Variants in TAX1BP3 observed in about 807,000 individuals in gnomAD.
The protein encoded by TAX1BP3 is Tax1 binding protein 3, also known as tax1-binding protein 3.
Under a neutral mutation model 15.3 loss-of-function variants are expected in TAX1BP3, and 13 were observed. That is an observed-to-expected ratio of 0.85 (90% CI 0.55 to 1.35). The LOEUF is 1.35. TAX1BP3 is among the 40% of genes most tolerant of loss of function. The probability of loss-of-function intolerance (pLI) is 0.00; values close to 1 mark genes in which losing one functional copy is unlikely to be tolerated. For missense variants in TAX1BP3, 147 were observed against 169.6 expected, an observed-to-expected ratio of 0.87 and a Z score of 0.74; for synonymous variants, 70 against 66.0, an observed-to-expected ratio of 1.06 and a Z score of -0.30.
Position 3,663,763 on chromosome 17 carries a change from C to T in TAX1BP3, c.360G>A (p.Gln120=). The change falls in exon 4 of 4, where the codon CAG becomes CAA. Residue 120 remains glutamine, a synonymous_variant. Coordinates refer to ENST00000225525, the MANE Select transcript of TAX1BP3 (RefSeq NM_014604.4). Reference sequence around the variant, plus strand: ...GTGGTGGCTGCTAGGACAGCATGGACTGCTGCACGGCCTTCTGCAGCGACT... The same window carrying T: ...GTGGTGGCTGCTAGGACAGCATGGATTGCTGCACGGCCTTCTGCAGCGACT... ...TRQSLQKAVQ[Q]SMLS The T allele has an allele frequency of 6.2e-7, 1 of 1,604,812 alleles. No homozygotes were observed. The highest frequency in any genetic ancestry group is 1.1e-5 in the South Asian group (1 of 90,656).
At chr17:3,666,268 C>A (rs188534369) in intron 1 of TAX1BP3, among the ~76,000 whole-genome samples, 30 of 152,292 alleles carry the variant, frequency 2.0e-4, no homozygotes, top group Admixed American at 2.0e-3. Flanking sequence ...CACTGGAGTT[C>A]TCAGGAACGG....
intron 1 of TAX1BP3, chr17:3,665,768 A>G (rs1555566104): frequency 1.7e-6 from 1 of 594,640 alleles, no homozygotes; most frequent in Non-Finnish European, 3.0e-6. Flanking sequence ...AAAAAAAAGA[A>G]AGGAGAGGAA....
At position 3,663,838 on chromosome 17, in the gene TAX1BP3, C is replaced by T. The variant is rs754097099; in HGVS notation, c.285G>A (p.Lys95=). Residue 95 remains lysine, a synonymous_variant, in exon 4 of 4, where the codon AAG becomes AAA. Transcript: ENST00000225525. ...MTMVTHDQAR[K]RLTKRSEEVV... Reference sequence around the variant, plus strand: ...CCTCCTCCGAGCGCTTGGTGAGCCGCTTGCGGGCCTGGTCGTGTGTGACCA... The same window carrying T: ...CCTCCTCCGAGCGCTTGGTGAGCCGTTTGCGGGCCTGGTCGTGTGTGACCA... 3.7e-6 allele frequency: 6 copies of T among 1,609,756 alleles called. No homozygotes were observed. The Admixed American group carries it at 1.0e-4, about 27-fold the overall frequency.
chr17:3,663,774 C>G lies in TAX1BP3; in HGVS notation c.349G>C (p.Ala117Pro), dbSNP rs1188369756. 7.5e-6 allele frequency: 12 copies of G among 1,605,100 alleles called. No homozygotes were observed. The Admixed American group carries it at 2.0e-4, about 27-fold the overall frequency. ...LLVTRQSLQKAVQQSMLS is the reference protein window; with the variant it reads ...LLVTRQSLQKPVQQSMLS ...TAGGACAGCATGGACTGCTGCACGG[C>G]CTTCTGCAGCGACTGCCGCGTCACC... Residue 117 changes from alanine (A) to proline (P), a missense_variant, in exon 4 of 4, where the codon GCC (alanine) becomes CCC (proline). Transcript: ENST00000225525.
rs1426801192 is a variant in TAX1BP3, at chr17:3,668,544, C to G, written c.-18G>C. The G allele has an allele frequency of 6.3e-7, 1 of 1,595,948 alleles. No homozygotes were observed. Among genetic ancestry groups the G allele is most frequent in the Admixed American group, 1.7e-5 (1 of 57,928 alleles). On this transcript the variant is annotated 5_prime_UTR_variant, in exon 1 of 4. Transcript: ENST00000225525. This position sits in a 1 kb window ranked among gnomAD's most constrained non-coding sequence, Gnocchi z 4.1. ...TAGGACATCTCGACCCTGCTCTGGT[C>G]GCCCAGCGCCGCTCCGAGAAGCCGG...
rs1402146485 is a variant in TAX1BP3, at chr17:3,664,271, C to T, written c.161G>A (p.Gly54Asp). Residue 54 changes from glycine to aspartate, a missense_variant and splice_region_variant, in exon 3 of 4, where the codon GGT becomes GAT. Transcript: ENST00000225525. ...NPFSEDKTDKGIYVTRVSEGG... is the reference protein window; with the variant it reads ...NPFSEDKTDKDIYVTRVSEGG... ...TTCAGACACCCGTGTGACATAAATA[C>T]CCTGGAAAGGGGCAGCCCAAGTCAA... 1 of 1,613,994 alleles carries T rather than the reference C, an allele frequency of 6.2e-7. No homozygotes were observed. The highest frequency in any genetic ancestry group is 1.1e-5 in the South Asian group (1 of 91,082).
rs1417434522 is a variant in TAX1BP3, at chr17:3,663,048, C to G, written c.*700G>C. ...GTAGAATGGGCATCTCCAAAGAGTA[C>G]GATAAAAACATTTTGTATCAAACTT... On this transcript the variant is annotated 3_prime_UTR_variant, in exon 4 of 4. Transcript: ENST00000225525. 1 of 152,124 alleles carries G rather than the reference C, an allele frequency of 6.6e-6. No individual in the cohort carries two copies. Among genetic ancestry groups the G allele is most frequent in the African/African-American group, 2.4e-5 (1 of 41,428 alleles). 9.4% of individuals were successfully genotyped at this position (152,124 alleles called of 1,614,324 possible).
At chr17:3,665,764 AAGAAAGG>A in intron 1 of TAX1BP3, 1 of 608,014 alleles carries the variant, frequency 1.6e-6, no homozygotes, top group Admixed American at 2.8e-5. Flanking sequence ...AAAAAAAAAA[AAGAAAGG>A]AGAGGAAGGG....
chr17:3,665,740 TCCAAAAAA>T (rs1216234690), intron 1 of TAX1BP3: 307 of 115,758 alleles, frequency 2.7e-3, no homozygotes, highest in Middle Eastern at 7.7e-3. Flanking sequence ...ATCTCTGGGC[TCCAAAAAA>T]AAAAAAAAAA....
chr17:3,665,451 A>C lies in TAX1BP3; in HGVS notation c.40-653T>G, dbSNP rs182679993. ...GCATGCTGTTGGCATTGTTGTAAAC[A>C]AACAAGTTAAGGGCAAGATTCTTGC... is the stretch of plus-strand genomic sequence containing the variant. On this transcript the variant is annotated intron_variant, in intron 1 of 3. Transcript: ENST00000225525. The C allele has an allele frequency of 7.0e-5, 99 of 1,420,488 alleles. 1 individual carries two copies. The African/African-American group carries it at 1.3e-3, about 19-fold the overall frequency. The allele number at this position is 1,420,488 out of a possible 1,614,324, so 88.0% of individuals were successfully genotyped here. A position where few individuals can be genotyped will look rare whatever the true frequency, so the allele number is the denominator to read the frequency against.
At chr17:3,666,345 C>T (rs1373363938) in intron 1 of TAX1BP3, among the ~76,000 whole-genome samples, 1 of 152,138 alleles carries the variant, frequency 6.6e-6, no homozygotes, top group Non-Finnish European at 1.5e-5. Flanking sequence ...GAGGAACGGA[C>T]ATCTCACAAA....
At position 3,668,520 on chromosome 17, in the gene TAX1BP3, A is replaced by G. The variant is rs574125610; in HGVS notation, c.7T>C (p.Tyr3His). The change falls in exon 1 of 4, where the codon TAC becomes CAC. Residue 3 changes from tyrosine (Y) to histidine (H), a missense_variant. By Grantham distance (83) the Tyr-to-His change is moderately conservative. Transcript: ENST00000225525. The surrounding 1 kb of genome is among the most constrained non-coding windows in gnomAD (Gnocchi z 4.1). ...GCGGTGACCGGCTGGCCCGGGATGT[A>G]GGACATCTCGACCCTGCTCTGGTCG... Reference protein sequence around the residue: MSYIPGQPVTAVV... With the variant: MSHIPGQPVTAVV... The G allele has an allele frequency of 3.7e-6, 6 of 1,607,730 alleles. No homozygotes were observed. The African/African-American group carries it at 8.0e-5, about 22-fold the overall frequency.
At position 3,664,184 on chromosome 17, in the gene TAX1BP3, A is replaced by C; in HGVS notation, c.237+11T>G. ...CAAACCTTGTTTCTCCTCCTTTGGG[A>C]CACCTGTTACCTGCATGATCTTGTC... On this transcript the variant is annotated intron_variant, in intron 3 of 3. Coordinates refer to ENST00000225525, the MANE Select transcript of TAX1BP3 (RefSeq NM_014604.4). 1.2e-6 allele frequency: 2 copies of C among 1,614,038 alleles called. No individual in the cohort carries two copies. Among genetic ancestry groups the C allele is most frequent in the Non-Finnish European group, 1.7e-6 (2 of 1,180,004 alleles).
rs113577630 is a variant in TAX1BP3 at position 3,664,075 on chromosome 17, G to A, written c.237+120C>T. 6 of 1,470,486 alleles carry A rather than the reference G, an allele frequency of 4.1e-6. No homozygotes were observed. In the Admixed American group the frequency reaches 9.6e-5, roughly 24 times the overall value. 91.1% of individuals were successfully genotyped at this position (1,470,486 alleles called of 1,614,324 possible). A position where few individuals can be genotyped will look rare whatever the true frequency, so the allele number is the denominator to read the frequency against. ...CGTCCTCTGGGGCAATGCCAGTATGGGTTCCCAATTGGCTGCAGTGAGTCT... is the reference window on the plus strand; with the variant it reads ...CGTCCTCTGGGGCAATGCCAGTATGAGTTCCCAATTGGCTGCAGTGAGTCT... On this transcript the variant is annotated intron_variant, in intron 3 of 3. Coordinates refer to ENST00000225525, the MANE Select transcript of TAX1BP3 (RefSeq NM_014604.4).
chr17:3,664,607 C>A, intron 2 of TAX1BP3, 72 bp downstream of exon 2: 1 of 1,578,234 alleles, frequency 6.3e-7, no homozygotes, highest in Non-Finnish European at 8.7e-7. Flanking sequence ...CATGCAGGCC[C>A]AGGAAGCAGA....
chr17:3,665,617 C>T, intron 1 of TAX1BP3: 4 of 1,219,612 alleles, frequency 3.3e-6, no homozygotes, highest in Admixed American at 1.7e-5. Context: ...CACCAGCCTG[C>T]TCCACCCAGG....
chr17:3,663,951 C>G, intron 3 of TAX1BP3, 66 bp from the exon 4 acceptor site: 1 of 1,566,358 alleles, frequency 6.4e-7, no homozygotes, highest in Non-Finnish European at 8.6e-7. Flanking sequence ...AAGCAGAGGG[C>G]TTTGGGGGCC....
chr17:3,663,860 A>T lies in TAX1BP3; in HGVS notation c.263T>A (p.Val88Asp). 1 of 1,609,254 alleles carries T rather than the reference A, an allele frequency of 6.2e-7. No homozygotes were observed. The highest frequency in any genetic ancestry group is 8.5e-7 in the Non-Finnish European group (1 of 1,179,948). ...MQVNGWDMTM[V>D]THDQARKRLT... ...CCGCTTGCGGGCCTGGTCGTGTGTG[A>T]CCATGGTCATGTCCCAGCCGTTCAC... Residue 88 changes from valine (V) to aspartate (D), a missense_variant, in exon 4 of 4, where the codon GTC becomes GAC. Physicochemically the swap from Val to Asp is radical, Grantham distance 152. Coordinates refer to ENST00000225525, the MANE Select transcript of TAX1BP3 (RefSeq NM_014604.4).
intron 1 of TAX1BP3, among the ~76,000 whole-genome samples, chr17:3,667,340 CAAAAAA>C (rs761986087): frequency 3.3e-5 from 2 of 61,162 alleles, no homozygotes; most frequent in African/African-American, 1.2e-4. Flanking sequence ...AAGACTGTCT[CAAAAAA>C]AAAAAAAAAA....
Sources: gnomAD v4.1 joint callset for allele counts (sites outside exome capture counted in the v4.1 genomes callset) on GRCh38, gnomAD v4.1.1 for gene constraint, Gnocchi (gnomAD v3.1) non-coding constraint, MANE v1.5 for transcripts, NCBI Gene and HGNC (gene_info 2026-07-23, HGNC 2026-07-21) for gene names.